Variants in GFRAL observed in about 807,000 individuals in gnomAD.
The protein encoded by GFRAL is GDNF family receptor alpha-like.
GFRAL carries 36 observed loss-of-function variants against 45.4 expected under a neutral mutation model. The ratio of observed to expected loss-of-function variants is 0.79; its 90% confidence interval spans 0.61 to 1.05. The LOEUF is 1.05. Ranked by LOEUF, GFRAL falls within the 50% of genes least tolerant of loss-of-function variation. The pLI, the probability that GFRAL is intolerant of heterozygous loss-of-function variation, is 0.00. For missense variants in GFRAL, 507 were observed against 467.5 expected, an observed-to-expected ratio of 1.08 and a Z score of -0.78; for synonymous variants, 166 against 154.1, an observed-to-expected ratio of 1.08 and a Z score of -0.57.
chr6:55,360,223 G>C (rs986544885), intron 6 of GFRAL, among the ~76,000 whole-genome samples: 2 of 151,906 alleles, frequency 1.3e-5, no homozygotes, highest in Non-Finnish European at 1.5e-5. Flanking sequence ...GTTAGACCAT[G>C]CAACCTTCGA....
intron 8 of GFRAL, 32 bp downstream of exon 8, chr6:55,399,473 G>A: frequency 7.2e-7 from 1 of 1,383,058 alleles, no homozygotes; most frequent in Non-Finnish European, 1.0e-6. Flanking sequence ...GGAAAGGTCT[G>A]AAAGGGAGTC....
chr6:55,359,473 T>C (rs1157118997), intron 6 of GFRAL, among the ~76,000 whole-genome samples: 2 of 152,028 alleles, frequency 1.3e-5, no homozygotes, highest in East Asian at 1.9e-4. Flanking sequence ...TAAGTATCTA[T>C]ACTAAGTAAC....
chr6:55,363,544 G>A (rs886325793), intron 6 of GFRAL, among the ~76,000 whole-genome samples: 4 of 147,758 alleles, frequency 2.7e-5, no homozygotes, highest in Non-Finnish European at 6.0e-5. Context: ...CCACTAAATC[G>A]TCATCTAGCA....
At chr6:55,389,871 A>G (rs1306564310) in intron 6 of GFRAL, among the ~76,000 whole-genome samples, 1 of 152,252 alleles carries the variant, frequency 6.6e-6, no homozygotes, top group Admixed American at 6.5e-5. Flanking sequence ...TAAGATGTTT[A>G]TGAATAAAAG....
chr6:55,350,653 A>T (rs1385354671), intron 4 of GFRAL, among the ~76,000 whole-genome samples: 2 of 152,162 alleles, frequency 1.3e-5, no homozygotes, highest in African/African-American at 4.8e-5. Context: ...GTGAGCTGGG[A>T]TCATGCCACT....
intron 4 of GFRAL, among the ~76,000 whole-genome samples, chr6:55,350,558 G>A (rs1203761856): frequency 1.3e-5 from 2 of 151,850 alleles, no homozygotes; most frequent in African/African-American, 4.8e-5. Context: ...AAACTTAGCG[G>A]GTCATGTAGG....
At chr6:55,328,432 A>T (rs1373742768) in intron 1 of GFRAL, among the ~76,000 whole-genome samples, 1 of 151,934 alleles carries the variant, frequency 6.6e-6, no homozygotes, top group Non-Finnish European at 1.5e-5. Context: ...TTTACTTTAA[A>T]TTGTATCGAA....
intron 6 of GFRAL, among the ~76,000 whole-genome samples, chr6:55,389,517 TA>T (rs1239035404): frequency 6.6e-6 from 1 of 152,124 alleles, no homozygotes; most frequent in African/African-American, 2.4e-5. Context: ...CTCTGCAAGT[TA>T]CCTTACATGC....
chr6:55,392,568 G>A (rs1002486704), intron 6 of GFRAL, among the ~76,000 whole-genome samples: 2 of 152,162 alleles, frequency 1.3e-5, no homozygotes, highest in Non-Finnish European at 2.9e-5. Flanking sequence ...AGATTAACTG[G>A]CAGCAAAAGT....
intron 3 of GFRAL, among the ~76,000 whole-genome samples, chr6:55,344,665 A>G (rs1236466992): frequency 6.6e-5 from 10 of 152,212 alleles, no homozygotes; most frequent in African/African-American, 2.2e-4. Context: ...ACTCCTATTC[A>G]ACATAGTGTT....
intron 6 of GFRAL, among the ~76,000 whole-genome samples, chr6:55,362,784 G>T (rs1172869710): frequency 6.6e-6 from 1 of 151,748 alleles, no homozygotes; most frequent in Non-Finnish European, 1.5e-5. Flanking sequence ...AACTAAAAGA[G>T]ATATGAAATA....
intron 6 of GFRAL, among the ~76,000 whole-genome samples, chr6:55,396,196 T>C (rs556647092): frequency 1.3e-5 from 2 of 152,312 alleles, no homozygotes; most frequent in South Asian, 4.1e-4. Flanking sequence ...TTTAAGATTG[T>C]GGAGTGATTG....
intron 6 of GFRAL, among the ~76,000 whole-genome samples, chr6:55,390,757 G>A (rs1965359): frequency 0.14 from 21,614 of 151,832 alleles, 2,073 homozygotes; most frequent in African/African-American, 0.27. Flanking sequence ...GCATGGTGGC[G>A]AGCGCCTGTA....
rs567389216 is a variant in GFRAL, at chr6:55,333,678, A to G, written c.158-108A>G. The G allele has an allele frequency of 1.3e-4, 76 of 607,562 alleles. 1 individual carries two copies. In the South Asian group the frequency reaches 3.6e-3, roughly 29 times the overall value. 37.6% of individuals were successfully genotyped at this position (607,562 alleles called of 1,614,324 possible). A position where few individuals can be genotyped will look rare whatever the true frequency, so the allele number is the denominator to read the frequency against. ...TCTTGCAGCAACCCCAGATAATCTT[A>G]CCATATTAATTAATTATTCAGGTTA... On this transcript the variant is annotated intron_variant, in intron 2 of 8. Transcript: ENST00000340465.
chr6:55,358,178 T>C (rs949214876), intron 5 of GFRAL, among the ~76,000 whole-genome samples: 1 of 151,954 alleles, frequency 6.6e-6, no homozygotes, highest in African/African-American at 2.4e-5. Flanking sequence ...CATGTACTTA[T>C]AGGGCTTTCA....
chr6:55,359,756 C>A (rs577690466), intron 6 of GFRAL, among the ~76,000 whole-genome samples: 1 of 152,036 alleles, frequency 6.6e-6, no homozygotes, highest in East Asian at 1.9e-4. Context: ...ATGGCTAAAC[C>A]CCATTGTGTA....
chr6:55,402,211 C>G lies in GFRAL; in HGVS notation c.*358C>G, dbSNP rs368459047. On this transcript the variant is annotated 3_prime_UTR_variant, in exon 9 of 9. Coordinates refer to ENST00000340465, the MANE Select transcript of GFRAL (RefSeq NM_207410.2). ...GCCAGGGTGGTCTCAAACTCCTGAC[C>G]TCAGGTGATCCACCCACCTCGGCCT... 1.1e-4 allele frequency: 18 copies of G among 166,452 alleles called. No homozygotes were observed. The highest frequency in any genetic ancestry group is 5.3e-4 in the East Asian group (3 of 5,610). The allele number at this position is 166,452 out of a possible 1,614,324, so 10.3% of individuals were successfully genotyped here.
At chr6:55,391,746 A>T (rs566084259) in intron 6 of GFRAL, among the ~76,000 whole-genome samples, 39 of 152,310 alleles carry the variant, frequency 2.6e-4, no homozygotes, top group Admixed American at 2.1e-3. Context: ...CTCAATAAAA[A>T]AGGATAAAAA....
At chr6:55,364,760 G>T (rs932073899) in intron 6 of GFRAL, among the ~76,000 whole-genome samples, 1 of 151,604 alleles carries the variant, frequency 6.6e-6, no homozygotes, top group African/African-American at 2.4e-5. Flanking sequence ...GATATGCGGC[G>T]TGATTTCTGA....
Sources: gnomAD v4.1 joint callset for allele counts (sites outside exome capture counted in the v4.1 genomes callset) on GRCh38, gnomAD v4.1.1 for gene constraint, MANE v1.5 for transcripts, NCBI Gene and HGNC (gene_info 2026-07-23, HGNC 2026-07-21) for gene names.